HSD17B12: variants seen among roughly 807,000 people sequenced by gnomAD.
HSD17B12 encodes the protein very-long-chain 3-oxoacyl-CoA reductase.
In HSD17B12, 32 loss-of-function variants were observed where a neutral mutation model predicts 39.3. The ratio of observed to expected loss-of-function variants is 0.81; its 90% CI spans 0.61 to 1.09. The LOEUF (loss-of-function observed/expected upper bound fraction) is 1.09. Among genes scored for constraint, HSD17B12 ranks in the 50% least tolerant of loss-of-function variants. The pLI is 0.00. For missense variants in HSD17B12, 342 were observed against 382.9 expected, an observed-to-expected ratio of 0.89 and a Z score of 0.89; for synonymous variants, 150 against 146.7, an observed-to-expected ratio of 1.02 and a Z score of -0.16.
intron 1 of HSD17B12, chr11:43,734,515 A>G: frequency 1.6e-6 from 1 of 608,982 alleles, no homozygotes; most frequent in South Asian, 1.8e-5. Context: ...CGCTCTCGGA[A>G]TATCACCTAC....
At chr11:43,654,221 C>T in the HSD17B12 span, among the ~76,000 whole-genome samples, 17 of 152,242 alleles carry the variant, frequency 1.1e-4, no homozygotes, top group East Asian at 1.9e-4. Context: ...TCATATCCTT[C>T]GGCCACTTTT....
At chr11:43,680,719 C>A (rs1949733751), upstream of HSD17B12, 2 of 970,882 alleles carry the variant, frequency 2.1e-6, no homozygotes, top group South Asian at 1.4e-5. Context: ...AAAGTGGTGT[C>A]GGAGCAGCGC....
chr11:43,589,792 G>A, the HSD17B12 span, among the ~76,000 whole-genome samples: 1 of 152,200 alleles, frequency 6.6e-6, no homozygotes, highest in African/African-American at 2.4e-5. Context: ...AATGGGTTTT[G>A]AAGACCAGTG....
At chr11:43,791,072 G>T (rs1950863645) in intron 3 of HSD17B12, among the ~76,000 whole-genome samples, 1 of 152,146 alleles carries the variant, frequency 6.6e-6, no homozygotes, top group Admixed American at 6.5e-5. Context: ...CTAAGAAATG[G>T]TATTCTTGAA....
At chr11:43,708,792 G>C (rs1191868658) in intron 1 of HSD17B12, among the ~76,000 whole-genome samples, 2 of 151,956 alleles carry the variant, frequency 1.3e-5, no homozygotes, top group African/African-American at 4.8e-5. Flanking sequence ...TTGGCTATTA[G>C]CCAATTAGTG....
chr11:43,577,520 T>C, the HSD17B12 span, among the ~76,000 whole-genome samples: 1 of 152,084 alleles, frequency 6.6e-6, no homozygotes, highest in Non-Finnish European at 1.5e-5. Flanking sequence ...TTCCCGCCAG[T>C]GGGTTTGAAA....
At chr11:43,786,226 C>T (rs1320482199) in intron 3 of HSD17B12, among the ~76,000 whole-genome samples, 1 of 152,192 alleles carries the variant, frequency 6.6e-6, no homozygotes, top group Non-Finnish European at 1.5e-5. Flanking sequence ...TTCCTCAAGA[C>T]AGCCATTGTA....
intron 1 of HSD17B12, among the ~76,000 whole-genome samples, chr11:43,705,845 T>C (rs1165376991): frequency 6.9e-6 from 1 of 145,824 alleles, no homozygotes; most frequent in Non-Finnish European, 1.5e-5. Context: ...CACTGCAGTC[T>C]TCACCTCCCC....
At chr11:43,655,424 C>T in the HSD17B12 span, among the ~76,000 whole-genome samples, 1 of 152,162 alleles carries the variant, frequency 6.6e-6, no homozygotes, top group Non-Finnish European at 1.5e-5. Flanking sequence ...TTGCCCTCGC[C>T]AGAACTTCCA....
the HSD17B12 span, among the ~76,000 whole-genome samples, chr11:43,603,389 T>C: frequency 6.6e-6 from 1 of 152,138 alleles, no homozygotes; most frequent in South Asian, 2.1e-4. Flanking sequence ...AAACTTTAGG[T>C]TGTAATTTGT....
chr11:43,844,701 T>C (rs1333194227), intron 9 of HSD17B12, among the ~76,000 whole-genome samples: 3 of 152,210 alleles, frequency 2.0e-5, no homozygotes, highest in Admixed American at 2.0e-4. Flanking sequence ...AAGCAGGAAG[T>C]AGCTAAGACT....
the HSD17B12 span, among the ~76,000 whole-genome samples, chr11:43,606,326 C>T: frequency 1.3e-3 from 196 of 152,330 alleles, no homozygotes; most frequent in African/African-American, 4.5e-3. Flanking sequence ...AACATCACTC[C>T]TAAAGTGGCC....
At chr11:43,565,541 A>G in the HSD17B12 span, among the ~76,000 whole-genome samples, 1 of 152,214 alleles carries the variant, frequency 6.6e-6, no homozygotes, top group Non-Finnish European at 1.5e-5. Context: ...GTTATGGCTT[A>G]TAGCTACTGA....
At chr11:43,611,799 T>G in the HSD17B12 span, among the ~76,000 whole-genome samples, 1 of 152,144 alleles carries the variant, frequency 6.6e-6, no homozygotes, top group African/African-American at 2.4e-5. Context: ...ATACATTATC[T>G]CAGATTCTGA....
chr11:43,842,398 T>A (rs367712952), intron 9 of HSD17B12, among the ~76,000 whole-genome samples: 3 of 152,180 alleles, frequency 2.0e-5, no homozygotes, highest in East Asian at 3.9e-4. Context: ...TGAGCTTTCA[T>A]CCAAGGGAAG....
At chr11:43,646,474 GC>G in the HSD17B12 span, 1 of 152,172 alleles carries the variant, frequency 6.6e-6, no homozygotes, top group African/African-American at 2.4e-5. Context: ...AGACCGGATG[GC>G]TAGACTTTGT....
chr11:43,784,746 T>C (rs527781172), intron 3 of HSD17B12, among the ~76,000 whole-genome samples: 1 of 152,310 alleles, frequency 6.6e-6, no homozygotes, highest in South Asian at 2.1e-4. Context: ...TTCTTATAGC[T>C]GGAAACTATT....
At chr11:43,587,292 AT>A in the HSD17B12 span, among the ~76,000 whole-genome samples, 3 of 146,310 alleles carry the variant, frequency 2.1e-5, no homozygotes, top group Admixed American at 2.1e-4. Flanking sequence ...GTTTAAAGCT[AT>A]GGACCTTGTC....
intron 3 of HSD17B12, among the ~76,000 whole-genome samples, chr11:43,776,442 T>G (rs1950704993): frequency 1.3e-5 from 2 of 152,174 alleles, no homozygotes; most frequent in East Asian, 3.8e-4. Flanking sequence ...GCCCACTTTT[T>G]GATGGGGTTG....
Sources: allele counts gnomAD v4.1 joint callset (sites outside exome capture counted in the v4.1 genomes callset), GRCh38; gene constraint gnomAD v4.1.1; transcripts MANE v1.5; gene names NCBI Gene and HGNC (gene_info 2026-07-23, HGNC 2026-07-21).